Variants in CUL2 observed in about 807,000 individuals in gnomAD.
CUL2 encodes the protein cullin-2.
CUL2 carries 22 observed loss-of-function variants against 110.2 expected under a neutral mutation model. The observed-to-expected ratio is 0.20, with a 90% CI of 0.14 to 0.28. The LOEUF (loss-of-function observed/expected upper bound fraction) is 0.28. CUL2 is among the 10% of genes least tolerant of loss of function. CUL2 has a pLI of 1.00. For missense variants in CUL2, 631 were observed against 905.5 expected (o/e 0.70, Z 3.89); for synonymous variants, 279 against 293.2 (o/e 0.95, Z 0.49).
chr10:35,043,278 T>C (rs1758082422), intron 8 of CUL2, among the ~76,000 whole-genome samples: 1 of 151,730 alleles, frequency 6.6e-6, no homozygotes, highest in Non-Finnish European at 1.5e-5. Flanking sequence ...TGTGTGATTC[T>C]TGGGGCTGGA....
intron 18 of CUL2, 52 bp from the exon 19 acceptor site, chr10:35,013,852 A>G: frequency 8.1e-7 from 1 of 1,228,866 alleles, no homozygotes; most frequent in Non-Finnish European, 1.1e-6. Flanking sequence ...ATCTTTAAAT[A>G]AGAGTTTGCT....
chr10:35,125,416 A>C (rs868755852), intron 1 of CUL2, among the ~76,000 whole-genome samples: 3 of 152,354 alleles, frequency 2.0e-5, no homozygotes, highest in Middle Eastern at 3.4e-3. Context: ...CATTCCTTTG[A>C]TTCTTTTTGA....
rs1433031364 is a variant in CUL2, at chr10:35,059,047, C to T, written c.317+1827G>A. ...GAATTGCTGCAATCTCATGATATAA[C>T]TTGAATGGATAAGGAGTTGCTTCTT... On this transcript the variant is annotated intron_variant, in intron 4 of 20. Coordinates refer to ENST00000374749, the MANE Select transcript of CUL2 (RefSeq NM_003591.4). Among the ~76,000 whole-genome samples, 4 of 152,164 alleles carry T rather than the reference C, an allele frequency of 2.6e-5. No homozygotes were observed. In the East Asian group the frequency reaches 7.7e-4, roughly 29 times the overall value.
At position 35,031,220 on chromosome 10, in the gene CUL2, G is replaced by A. The variant is rs1277387655; in HGVS notation, c.1386+80C>T. ...ACCAGATGAATTGTTTCCTGTTACT[G>A]TACACAATGCTGCAATGAACATCTT... On this transcript the variant is annotated intron_variant, in intron 14 of 20. Coordinates refer to ENST00000374749, the MANE Select transcript of CUL2 (RefSeq NM_003591.4). This position sits in a 1 kb window ranked among gnomAD's most constrained non-coding sequence, Gnocchi z 4.4. 2.3e-5 allele frequency: 20 copies of A among 874,080 alleles called. No homozygotes were observed. The East Asian group carries it at 4.7e-4, about 20-fold the overall frequency. 54.1% of individuals were successfully genotyped at this position (874,080 alleles called of 1,614,324 possible).
intron 1 of CUL2, among the ~76,000 whole-genome samples, chr10:35,102,071 C>A (rs2087387499): frequency 6.6e-6 from 1 of 152,048 alleles, no homozygotes; most frequent in East Asian, 1.9e-4. Flanking sequence ...GAAACCCCAT[C>A]TCTACCAAAA....
chr10:35,060,682 A>T (rs1054818223), intron 4 of CUL2, among the ~76,000 whole-genome samples, 192 bp downstream of exon 4: 3 of 151,952 alleles, frequency 2.0e-5, no homozygotes, highest in African/African-American at 4.8e-5. Context: ...CGTTCCACAC[A>T]CTCCCTGGCT....
chr10:35,064,048 T>C (rs531264932), intron 2 of CUL2: 1 of 152,300 alleles, frequency 6.6e-6, no homozygotes, highest in Admixed American at 6.5e-5. Context: ...GACTGTTCCA[T>C]GATAAAGCTA....
chr10:35,102,814 C>T (rs2087401262), intron 1 of CUL2, among the ~76,000 whole-genome samples: 1 of 148,706 alleles, frequency 6.7e-6, no homozygotes, highest in South Asian at 2.1e-4. Flanking sequence ...ACCTGGGGGG[C>T]GGAAGTTGCA....
At chr10:35,083,356 G>A (rs2086987417) in intron 1 of CUL2, among the ~76,000 whole-genome samples, 1 of 152,062 alleles carries the variant, frequency 6.6e-6, no homozygotes, top group Non-Finnish European at 1.5e-5. Flanking sequence ...TATAAACATA[G>A]ATGTTTGTGT....
chr10:35,085,292 T>A lies in CUL2; in HGVS notation c.-23+4887A>T, dbSNP rs1411360503. Among the ~76,000 whole-genome samples the A allele has an allele frequency of 2.7e-5, 4 of 150,266 alleles. No homozygotes were observed. In the East Asian group the frequency reaches 7.9e-4, roughly 30 times the overall value. ...AAAAATACAAAAAATTAGCCAGGCA[T>A]GGTGGCGGCTGCCTGTAGTCCCAGC... On this transcript the variant is annotated intron_variant, in intron 1 of 20. Coordinates refer to ENST00000374749, the MANE Select transcript of CUL2 (RefSeq NM_003591.4).
At chr10:35,113,498 CAAAAAAAAAA>C (rs59518617) in intron 1 of CUL2, among the ~76,000 whole-genome samples, 26 of 33,312 alleles carry the variant, frequency 7.8e-4, no homozygotes, top group African/African-American at 1.9e-3. Flanking sequence ...GACTCTGCCT[CAAAAAAAAAA>C]AAAAAAAAAA....
At chr10:35,110,665 T>C (rs898903243) in intron 1 of CUL2, among the ~76,000 whole-genome samples, 16 of 152,268 alleles carry the variant, frequency 1.1e-4, no homozygotes, top group African/African-American at 3.8e-4. Flanking sequence ...TCTGAGGGCC[T>C]AAGGGAGGAG....
rs375700239 is a variant in CUL2 at position 35,044,523 on chromosome 10, G to T, written c.714+43C>A. On this transcript the variant is annotated intron_variant, in intron 8 of 20. Transcript: ENST00000374749. ...AACGATGTTAAATAAAACCAGGCCAGATACAAAATAGATAAATGTATTCGA... is the reference window on the plus strand; with the variant it reads ...AACGATGTTAAATAAAACCAGGCCATATACAAAATAGATAAATGTATTCGA... The T allele has an allele frequency of 3.9e-5, 49 of 1,266,568 alleles. No homozygotes were observed. The African/African-American group carries it at 6.8e-4, about 18-fold the overall frequency. 78.5% of individuals were successfully genotyped at this position (1,266,568 alleles called of 1,614,324 possible).
At chr10:35,015,376 T>C (rs751590305) in intron 18 of CUL2, among the ~76,000 whole-genome samples, 2 of 152,186 alleles carry the variant, frequency 1.3e-5, no homozygotes, top group Non-Finnish European at 2.9e-5. Context: ...AACATTGATT[T>C]GAATTTCAGA....
intron 2 of CUL2, among the ~76,000 whole-genome samples, chr10:35,096,767 G>A (rs918978009): frequency 2.6e-5 from 4 of 151,412 alleles, no homozygotes; most frequent in African/African-American, 7.3e-5. Flanking sequence ...TAAATTGCTC[G>A]TGTTAGGTTT....
At chr10:35,029,407 AT>A (rs2134710009) in intron 15 of CUL2, 80 bp downstream of exon 15, 1 of 1,019,510 alleles carries the variant, frequency 9.8e-7, no homozygotes, top group East Asian at 2.8e-5. Flanking sequence ...ACCAAACGTA[AT>A]CAGGCATCCA....
At chr10:35,080,433 TTTTATTTA>T (rs139166454) in intron 1 of CUL2, among the ~76,000 whole-genome samples, 8,436 of 140,602 alleles carry the variant, frequency 0.06, 301 homozygotes, top group African/African-American at 0.1. Context: ...GAATTCCTAT[TTTTATTTA>T]TTTATTTATT....
intron 1 of CUL2, among the ~76,000 whole-genome samples, chr10:35,102,174 A>G: frequency 6.6e-6 from 1 of 152,248 alleles, no homozygotes; most frequent in South Asian, 2.1e-4. Flanking sequence ...CGGGAGGCAG[A>G]GGTTACAGTG....
intron 1 of CUL2, among the ~76,000 whole-genome samples, chr10:35,125,491 A>C (rs2087753010): frequency 6.6e-6 from 1 of 152,246 alleles, no homozygotes; most frequent in Non-Finnish European, 1.5e-5. Context: ...TACGAAAATT[A>C]GATTTGAACA....
Sources: allele counts gnomAD v4.1 joint callset (sites outside exome capture counted in the v4.1 genomes callset), GRCh38; gene constraint gnomAD v4.1.1; non-coding constraint Gnocchi (gnomAD v3.1); transcripts MANE v1.5; gene names NCBI Gene and HGNC (gene_info 2026-07-23, HGNC 2026-07-21).